FAM149B1: variants seen among roughly 807,000 people sequenced by gnomAD.
The protein encoded by FAM149B1 is primary cilium assembly protein FAM149B1.
In FAM149B1, 56 loss-of-function variants were observed where a neutral mutation model predicts 75.3. The ratio of observed to expected loss-of-function variants is 0.74; its 90% confidence interval spans 0.60 to 0.93. The LOEUF (loss-of-function observed/expected upper bound fraction) is 0.93, where lower values mean the gene tolerates loss of function less well. Ranked by LOEUF, FAM149B1 falls within the 40% of genes least tolerant of loss-of-function variation. FAM149B1 has a pLI of 0.00. For missense variants in FAM149B1, 639 were observed against 708.4 expected (o/e 0.90, Z 1.11); for synonymous variants, 259 against 256.1 (o/e 1.01, Z -0.11).
chr10:73,171,936 C>T (rs886638969), intron 1 of FAM149B1, among the ~76,000 whole-genome samples: 12 of 152,042 alleles, frequency 7.9e-5, no homozygotes, highest in Non-Finnish European at 1.6e-4. Context: ...CCTCCTTATC[C>T]TTTTATTAAC....
chr10:73,224,595 C>G (rs1236752778), intron 7 of FAM149B1, among the ~76,000 whole-genome samples: 16 of 151,776 alleles, frequency 1.1e-4, no homozygotes, highest in Non-Finnish European at 2.9e-5. Context: ...CCTCAGCCTC[C>G]CGAGTAGCTG....
At position 73,242,022 on chromosome 10, in the gene FAM149B1, G is replaced by T. The variant is rs1214438611; in HGVS notation, c.*1003G>T. 1 of 152,070 alleles carries T rather than the reference G, an allele frequency of 6.6e-6. No individual in the cohort carries two copies. The highest frequency in any genetic ancestry group is 1.5e-5 in the Non-Finnish European group (1 of 68,012). The allele number at this position is 152,070 out of a possible 1,614,324, so 9.4% of individuals were successfully genotyped here. ...AATCTTGATTGTCATGCCAGTTTTA[G>T]ATCTTATTAATTTTCAGAATGGATA... On this transcript the variant is annotated 3_prime_UTR_variant, in exon 14 of 14. Coordinates refer to ENST00000242505, the MANE Select transcript of FAM149B1 (RefSeq NM_173348.2).
At chr10:73,204,444 T>G (rs1019345926) in intron 5 of FAM149B1, among the ~76,000 whole-genome samples, 1 of 152,050 alleles carries the variant, frequency 6.6e-6, no homozygotes, top group Admixed American at 6.5e-5. Flanking sequence ...TATTCTATTT[T>G]CCTAATAAAA....
chr10:73,181,038 G>T (rs1012866542), intron 3 of FAM149B1, among the ~76,000 whole-genome samples: 2 of 147,418 alleles, frequency 1.4e-5, no homozygotes, highest in African/African-American at 5.0e-5. Flanking sequence ...ACGGAGTGTC[G>T]CATTGTCACC....
At chr10:73,171,917 C>T (rs940894955) in intron 1 of FAM149B1, among the ~76,000 whole-genome samples, 22 of 152,106 alleles carry the variant, frequency 1.4e-4, no homozygotes, top group African/African-American at 5.1e-4. Flanking sequence ...CGTGAGCCAC[C>T]GCACCTGGCC....
chr10:73,221,646 AGTTT>A (rs777942248), intron 7 of FAM149B1, among the ~76,000 whole-genome samples: 1 of 151,478 alleles, frequency 6.6e-6, no homozygotes, highest in Non-Finnish European at 1.5e-5. Context: ...TTCTGCCTGG[AGTTT>A]GTTTAACTTC....
chr10:73,198,210 A>G lies in FAM149B1; in HGVS notation c.542+4617A>G, dbSNP rs530112184. Among the ~76,000 whole-genome samples the G allele has an allele frequency of 8.5e-5, 13 of 152,358 alleles. No homozygotes were observed. In the East Asian group the frequency reaches 2.3e-3, roughly 27 times the overall value. ...TACCATATACAAAAATTAACTCAAA[A>G]TAGATCAAAGACCTAAATGTAAGAT... On this transcript the variant is annotated intron_variant, in intron 5 of 13. Transcript: ENST00000242505.
chr10:73,186,315 G>T (rs1306218619), intron 3 of FAM149B1, among the ~76,000 whole-genome samples: 1 of 151,792 alleles, frequency 6.6e-6, no homozygotes, highest in South Asian at 2.1e-4. Context: ...CAACATACAA[G>T]AAATAAAAGG....
chr10:73,234,210 C>G (rs1392205511), intron 10 of FAM149B1: 2 of 153,232 alleles, frequency 1.3e-5, no homozygotes, highest in East Asian at 3.8e-4. Flanking sequence ...TCTATACCAA[C>G]AGAGCTATAA....
Position 73,208,645 on chromosome 10 carries a change from A to G in FAM149B1, c.569A>G (p.His190Arg). 2.0e-6 allele frequency: 3 copies of G among 1,534,656 alleles called. No individual in the cohort carries two copies. Among genetic ancestry groups the G allele is most frequent in the Non-Finnish European group, 2.6e-6 (3 of 1,137,958 alleles). ...TTTGGTATAAGGGGAAAGAAGTTAC[A>G]TTTTTCATCTTCTTATGCTCATAAA... ...TIFGIRGKKL[H>R]FSSSYAHKAS... Residue 190 changes from histidine to arginine, a missense_variant, in exon 6 of 14, where the codon CAT becomes CGT. Transcript: ENST00000242505.
chr10:73,233,928 A>G (rs1447888747), intron 10 of FAM149B1, among the ~76,000 whole-genome samples: 1 of 152,236 alleles, frequency 6.6e-6, no homozygotes. Context: ...AGTTGCTTAC[A>G]TACCAGCAAA....
At chr10:73,176,281 G>A (rs202034939) in intron 2 of FAM149B1, among the ~76,000 whole-genome samples, 2 of 152,112 alleles carry the variant, frequency 1.3e-5, no homozygotes, top group African/African-American at 4.8e-5. Context: ...GAGCCATGGG[G>A]AGCTGCTGTA....
intron 5 of FAM149B1, chr10:73,200,310 T>G: frequency 2.6e-6 from 1 of 390,858 alleles, no homozygotes; most frequent in Admixed American, 3.0e-5. Flanking sequence ...CCATCCAGCC[T>G]GGGTGACAAG....
At chr10:73,237,774 G>A (rs1299993040) in intron 12 of FAM149B1, among the ~76,000 whole-genome samples, 1 of 151,680 alleles carries the variant, frequency 6.6e-6, no homozygotes, top group Non-Finnish European at 1.5e-5. Context: ...CACCCAGGCT[G>A]GAGTGTAGTG....
intron 5 of FAM149B1, among the ~76,000 whole-genome samples, chr10:73,196,569 C>T (rs187413887): frequency 1.3e-5 from 2 of 152,312 alleles, no homozygotes; most frequent in East Asian, 3.9e-4. Context: ...TTATCAACCG[C>T]TAAGACTTTC....
At chr10:73,235,370 T>TG (rs2043799302) in intron 12 of FAM149B1, 52 bp downstream of exon 12, 1 of 1,547,712 alleles carries the variant, frequency 6.5e-7, no homozygotes, top group Non-Finnish European at 8.7e-7. Flanking sequence ...AAAGAAAAGG[T>TG]GGGGGGAATA....
At chr10:73,192,388 C>A in intron 3 of FAM149B1, 168 bp from the exon 4 acceptor site, 2 of 637,602 alleles carry the variant, frequency 3.1e-6, no homozygotes. Flanking sequence ...CTGAAAATTC[C>A]GAGATCTGAA....
intron 5 of FAM149B1, among the ~76,000 whole-genome samples, chr10:73,196,510 C>G (rs565388845): frequency 6.6e-6 from 1 of 152,258 alleles, no homozygotes; most frequent in Admixed American, 6.5e-5. Flanking sequence ...GTCATTAATT[C>G]ATTTTGATCT....
At chr10:73,216,439 G>T (rs2043300780) in intron 7 of FAM149B1, among the ~76,000 whole-genome samples, 1 of 152,040 alleles carries the variant, frequency 6.6e-6, no homozygotes, top group South Asian at 2.1e-4. Flanking sequence ...TCATATTGAT[G>T]ATTGTTTTTG....
Sources: gnomAD v4.1 joint callset for allele counts (sites outside exome capture counted in the v4.1 genomes callset) on GRCh38, gnomAD v4.1.1 for gene constraint, MANE v1.5 for transcripts, NCBI Gene and HGNC (gene_info 2026-07-23, HGNC 2026-07-21) for gene names.